Variants in PAK5 observed in about 807,000 individuals in gnomAD.
PAK5 encodes p21 (RAC1) activated kinase 5.
In PAK5, 16 loss-of-function variants were observed where a neutral mutation model predicts 65.9. The ratio of observed to expected loss-of-function variants is 0.24; its 90% CI spans 0.16 to 0.37. PAK5 has a LOEUF of 0.37. Ranked by LOEUF, PAK5 falls within the 10% of genes least tolerant of loss-of-function variation. The pLI is 1.00. For synonymous variants in PAK5, 371 were observed against 354.9 expected, an observed-to-expected ratio of 1.05 and a Z score of -0.51; for missense variants, 785 against 903.9, an observed-to-expected ratio of 0.87 and a Z score of 1.69.
chr20:9,731,703 C>A (rs1178088144), intron 1 of PAK5, among the ~76,000 whole-genome samples: 1 of 152,036 alleles, frequency 6.6e-6, no homozygotes, highest in Non-Finnish European at 1.5e-5. Flanking sequence ...TTAAAATATG[C>A]CTGTTCTAAA....
intron 1 of PAK5, among the ~76,000 whole-genome samples, chr20:9,796,295 G>A (rs1256551066): frequency 6.6e-6 from 1 of 152,024 alleles, no homozygotes; most frequent in Non-Finnish European, 1.5e-5. Flanking sequence ...CTATTGGATG[G>A]GTAGGAAGGT....
At position 9,770,832 on chromosome 20, in the gene PAK5, T is replaced by C. The variant is rs1388810519; in HGVS notation, c.-161-59397A>G. Among the ~76,000 whole-genome samples, 7 of 152,184 alleles carry C rather than the reference T, an allele frequency of 4.6e-5. No individual in the cohort carries two copies. In the South Asian group the frequency reaches 6.2e-4, roughly 14 times the overall value. ...GGAAATATGAGCCCTCAAGAAGTTA[T>C]CCTCAGTGCCAAGTTGGACATCAAG... On this transcript the variant is annotated intron_variant, in intron 1 of 9. Transcript: ENST00000353224.
intron 1 of PAK5, among the ~76,000 whole-genome samples, chr20:9,826,108 A>T (rs918513583): frequency 6.6e-6 from 1 of 152,208 alleles, no homozygotes; most frequent in Admixed American, 6.5e-5. Flanking sequence ...GCCATGAAGA[A>T]ACATGGTCAG....
chr20:9,603,717 A>G (rs1365662400), intron 3 of PAK5, among the ~76,000 whole-genome samples: 4 of 152,140 alleles, frequency 2.6e-5, no homozygotes, highest in Non-Finnish European at 5.9e-5. Flanking sequence ...CTGTGCTGCT[A>G]TACACACCCT....
At chr20:9,723,656 G>C (rs722483) in intron 1 of PAK5, among the ~76,000 whole-genome samples, 102,550 of 151,944 alleles carry the variant, frequency 0.67, 34,870 homozygotes, top group South Asian at 0.84. Context: ...CTGCCATCAT[G>C]ATGAAATCTG....
At chr20:9,758,841 T>C (rs141394799) in intron 1 of PAK5, among the ~76,000 whole-genome samples, 8 of 152,228 alleles carry the variant, frequency 5.3e-5, no homozygotes, top group African/African-American at 1.9e-4. Flanking sequence ...CTCCCTTCTT[T>C]ATAAATTGTC....
intron 2 of PAK5, among the ~76,000 whole-genome samples, chr20:9,699,550 CTTGT>C (rs757909591): frequency 2.2e-5 from 1 of 45,468 alleles, no homozygotes; most frequent in Admixed American, 3.9e-4. Flanking sequence ...TATTTTGCTT[CTTGT>C]TTTTTTTTTT....
At chr20:9,738,213 G>C (rs535930210) in intron 1 of PAK5, among the ~76,000 whole-genome samples, 94 of 152,232 alleles carry the variant, frequency 6.2e-4, no homozygotes, top group Middle Eastern at 3.4e-3. Context: ...CACATTCTCG[G>C]TGGGAATGGA....
intron 3 of PAK5, among the ~76,000 whole-genome samples, chr20:9,620,643 C>T (rs981884126): frequency 1.3e-5 from 2 of 152,102 alleles, no homozygotes; most frequent in Admixed American, 6.6e-5. Flanking sequence ...ATATGGGGAC[C>T]CAAGACCGTG....
intron 1 of PAK5, among the ~76,000 whole-genome samples, chr20:9,756,353 C>A (rs978204572): frequency 1.3e-5 from 2 of 152,048 alleles, no homozygotes; most frequent in Admixed American, 6.6e-5. Flanking sequence ...TTGGGTGGAG[C>A]TGGCCTTCAG....
At chr20:9,742,435 T>C (rs1341239797) in intron 1 of PAK5, among the ~76,000 whole-genome samples, 2 of 152,200 alleles carry the variant, frequency 1.3e-5, no homozygotes, top group Non-Finnish European at 2.9e-5. Flanking sequence ...TTTAATTGTT[T>C]TAATCTTGTG....
At chr20:9,816,772 C>T (rs142893931) in intron 1 of PAK5, among the ~76,000 whole-genome samples, 273 of 152,216 alleles carry the variant, frequency 1.8e-3, no homozygotes, top group African/African-American at 6.5e-3. Flanking sequence ...AATACCATAC[C>T]TTATAATAAA....
chr20:9,551,738 A>G (rs1370752903), intron 7 of PAK5, among the ~76,000 whole-genome samples: 1 of 152,176 alleles, frequency 6.6e-6, no homozygotes, highest in South Asian at 2.1e-4. Context: ...ATGTAGCATC[A>G]GCCTCACCTG....
chr20:9,799,105 A>T (rs2049138168), intron 1 of PAK5, among the ~76,000 whole-genome samples: 1 of 152,194 alleles, frequency 6.6e-6, no homozygotes, highest in African/African-American at 2.4e-5. Flanking sequence ...GTCATCCTTT[A>T]TAGATATCTA....
intron 7 of PAK5, among the ~76,000 whole-genome samples, chr20:9,551,104 C>A (rs921918651): frequency 1.3e-5 from 2 of 152,058 alleles, no homozygotes; most frequent in Non-Finnish European, 2.9e-5. Flanking sequence ...CTTTAATCAT[C>A]CAAGTACATA....
intron 2 of PAK5, among the ~76,000 whole-genome samples, chr20:9,698,516 C>T (rs1362895864): frequency 6.6e-6 from 1 of 152,142 alleles, no homozygotes. Context: ...TCAAAAAGCA[C>T]TTCATCTAAG....
At chr20:9,770,592 G>T (rs1452696626) in intron 1 of PAK5, among the ~76,000 whole-genome samples, 1 of 152,172 alleles carries the variant, frequency 6.6e-6, no homozygotes, top group Non-Finnish European at 1.5e-5. Flanking sequence ...TGTAATCTGG[G>T]TTAGACTTTT....
chr20:9,581,057 C>A (rs891786460), intron 3 of PAK5, 127 bp from the exon 4 acceptor site: 5 of 648,212 alleles, frequency 7.7e-6, no homozygotes, highest in Non-Finnish European at 1.3e-5. Flanking sequence ...ACACTTAACA[C>A]AAAATGATAA....
chr20:9,711,117 C>T (rs907303292), intron 2 of PAK5, among the ~76,000 whole-genome samples, 169 bp downstream of exon 2: 3 of 152,156 alleles, frequency 2.0e-5, no homozygotes, highest in Admixed American at 1.3e-4. Context: ...TTCTGTAAGG[C>T]CATAAGCTTG....
Sources: gnomAD v4.1 joint callset for allele counts (sites outside exome capture counted in the v4.1 genomes callset) on GRCh38, gnomAD v4.1.1 for gene constraint, MANE v1.5 for transcripts, NCBI Gene and HGNC (gene_info 2026-07-23, HGNC 2026-07-21) for gene names.